Variants in CNTNAP5 observed in about 807,000 individuals in gnomAD.
The protein encoded by CNTNAP5 is contactin associated protein family member 5.
In CNTNAP5, 72 loss-of-function variants were observed where a neutral mutation model predicts 150.2. The ratio of observed to expected loss-of-function variants is 0.48; its 90% CI spans 0.40 to 0.58. The LOEUF (loss-of-function observed/expected upper bound fraction) is 0.58, where lower values mean the gene tolerates loss of function less well. CNTNAP5 is among the 20% of genes least tolerant of loss of function. CNTNAP5 has a pLI of 0.00. For missense variants in CNTNAP5, 1,636 were observed against 1,626.2 expected, an observed-to-expected ratio of 1.01 and a Z score of -0.10; for synonymous variants, 672 against 619.8, an observed-to-expected ratio of 1.08 and a Z score of -1.25.
intron 1 of CNTNAP5, among the ~76,000 whole-genome samples, chr2:124,209,795 A>G (rs1441114947): frequency 6.6e-6 from 1 of 152,158 alleles, no homozygotes; most frequent in Non-Finnish European, 1.5e-5. Flanking sequence ...GAGGTGGAGT[A>G]TTATACACAA....
chr2:124,636,373 A>T (rs113132960), intron 12 of CNTNAP5, among the ~76,000 whole-genome samples: 1,826 of 152,258 alleles, frequency 0.012, 30 homozygotes, highest in African/African-American at 0.041. Context: ...TATTTTCATT[A>T]TTCTGTCCCC....
intron 1 of CNTNAP5, among the ~76,000 whole-genome samples, chr2:124,142,799 C>T (rs1482765085): frequency 1.3e-4 from 20 of 149,336 alleles, no homozygotes; most frequent in Non-Finnish European, 2.5e-4. Context: ...CAGAGCAGAA[C>T]TGAAGGAAAT....
intron 13 of CNTNAP5, among the ~76,000 whole-genome samples, chr2:124,742,014 G>A (rs1378476965): frequency 6.6e-6 from 1 of 152,144 alleles, no homozygotes; most frequent in African/African-American, 2.4e-5. Flanking sequence ...GAAACCTGCA[G>A]CTGGCAATCT....
In CNTNAP5 at chr2:124,527,298, T is replaced by G. The variant is rs778085287; in HGVS notation, c.1491T>G (p.Asn497Lys). The G allele has an allele frequency of 6.2e-7, 1 of 1,613,390 alleles. No individual in the cohort carries two copies. The highest frequency in any genetic ancestry group is 1.1e-5 in the South Asian group (1 of 91,024). Residue 497 changes from asparagine (N) to lysine (K), a missense_variant, in exon 10 of 24, where the codon AAT becomes AAG. Physicochemically the swap from Asn to Lys is moderately conservative, Grantham distance 94. Coordinates refer to ENST00000682447, the MANE Select transcript of CNTNAP5 (RefSeq NM_001367498.1). ...NSYYFGGCPD[N>K]LTDSQCLNPI... ...TCTGTCCCACAGGGTGCCCCGACAA[T>G]CTCACCGATTCCCAATGTTTAAATC...
chr2:124,315,730 C>T (rs1688944060), intron 3 of CNTNAP5, among the ~76,000 whole-genome samples: 2 of 151,944 alleles, frequency 1.3e-5, no homozygotes, highest in Admixed American at 1.3e-4. Flanking sequence ...CTTGGCTCCG[C>T]ATGAAAGTAC....
At chr2:124,118,870 G>T (rs1022558777) in intron 1 of CNTNAP5, among the ~76,000 whole-genome samples, 1 of 152,132 alleles carries the variant, frequency 6.6e-6, no homozygotes, top group African/African-American at 2.4e-5. Context: ...AATTTGTCCA[G>T]AATCATAGAT....
chr2:124,221,087 T>G (rs937861472), intron 1 of CNTNAP5, among the ~76,000 whole-genome samples: 2 of 152,162 alleles, frequency 1.3e-5, no homozygotes, highest in Non-Finnish European at 2.9e-5. Flanking sequence ...GTTGGAAGGA[T>G]AGCTGTTGAA....
At position 124,050,806 on chromosome 2, in the gene CNTNAP5, G is replaced by A. The variant is rs150038367; in HGVS notation, c.82+25074G>A. On this transcript the variant is annotated intron_variant, in intron 1 of 23. Transcript: ENST00000682447. ...GAAATATCAGTCTCACACACTGTTTGCAGCTGGGATTGCACTTTGCATACT... is the reference window on the plus strand; with the variant it reads ...GAAATATCAGTCTCACACACTGTTTACAGCTGGGATTGCACTTTGCATACT... Among the ~76,000 whole-genome samples, 869 of 152,308 alleles carry A rather than the reference G, an allele frequency of 5.7e-3. 7 individuals are homozygous for A. Among genetic ancestry groups the A allele is most frequent in the African/African-American group, 0.019 (804 of 41,556 alleles).
At chr2:124,424,288 A>G (rs986261385) in intron 4 of CNTNAP5, among the ~76,000 whole-genome samples, 1 of 152,186 alleles carries the variant, frequency 6.6e-6, no homozygotes, top group Admixed American at 6.5e-5. Flanking sequence ...CACCTCTGAC[A>G]TGCTAAGGCC....
At chr2:124,415,228 C>T (rs180787109) in intron 3 of CNTNAP5, among the ~76,000 whole-genome samples, 10 of 152,136 alleles carry the variant, frequency 6.6e-5, no homozygotes, top group Admixed American at 1.3e-4. Context: ...AACCTGGGAG[C>T]TGAAATGTTG....
At chr2:124,888,663 C>T (rs554801439) in intron 21 of CNTNAP5, among the ~76,000 whole-genome samples, 30 of 152,188 alleles carry the variant, frequency 2.0e-4, no homozygotes, top group Middle Eastern at 6.8e-3. Context: ...GATGGTATCT[C>T]ATTGTGGTTT....
intron 3 of CNTNAP5, among the ~76,000 whole-genome samples, chr2:124,356,253 A>C (rs1690001041): frequency 6.6e-6 from 1 of 152,024 alleles, no homozygotes; most frequent in South Asian, 2.1e-4. Context: ...TTATCTTAAC[A>C]CTTTACTTTA....
intron 3 of CNTNAP5, among the ~76,000 whole-genome samples, chr2:124,367,515 G>A (rs1401362214): frequency 6.6e-6 from 1 of 152,108 alleles, no homozygotes; most frequent in Non-Finnish European, 1.5e-5. Context: ...CATGACACAT[G>A]GGATTATGGG....
Position 124,032,684 on chromosome 2 carries a change from T to C in CNTNAP5, c.82+6952T>C, listed in dbSNP as rs536804642. Among the ~76,000 whole-genome samples the C allele has an allele frequency of 2.0e-5, 3 of 152,260 alleles. No homozygotes were observed. The South Asian group carries it at 6.2e-4, about 32-fold the overall frequency. ...TATTCTGCATAATGTATAGAATACATTTTACATTTGTAAAATGTATTCTAT... is the reference window on the plus strand; with the variant it reads ...TATTCTGCATAATGTATAGAATACACTTTACATTTGTAAAATGTATTCTAT... On this transcript the variant is annotated intron_variant, in intron 1 of 23. Transcript: ENST00000682447.
intron 8 of CNTNAP5, among the ~76,000 whole-genome samples, chr2:124,519,670 C>T (rs1189550425): frequency 6.6e-6 from 1 of 152,186 alleles, no homozygotes; most frequent in African/African-American, 2.4e-5. Flanking sequence ...TTTAAAGTGC[C>T]TGGCACATTA....
intron 3 of CNTNAP5, among the ~76,000 whole-genome samples, chr2:124,244,843 G>T (rs1187691512): frequency 6.6e-6 from 1 of 152,026 alleles, no homozygotes; most frequent in Non-Finnish European, 1.5e-5. Flanking sequence ...ATATTAAATT[G>T]TCATTCTATA....
chr2:124,211,242 G>C (rs1686002520), intron 1 of CNTNAP5, among the ~76,000 whole-genome samples: 1 of 152,184 alleles, frequency 6.6e-6, no homozygotes, highest in Non-Finnish European at 1.5e-5. Context: ...AAGGACAGTA[G>C]TTGGAACTGG....
chr2:124,594,183 T>G (rs1235307844), intron 11 of CNTNAP5, among the ~76,000 whole-genome samples: 1 of 131,234 alleles, frequency 7.6e-6, no homozygotes, highest in Non-Finnish European at 1.6e-5. Flanking sequence ...GCCATTGCTT[T>G]TGGTGTTTTG....
intron 13 of CNTNAP5, among the ~76,000 whole-genome samples, chr2:124,677,304 G>A (rs1040465752): frequency 1.3e-5 from 2 of 152,304 alleles, no homozygotes; most frequent in African/African-American, 2.4e-5. Flanking sequence ...TGAAGCCAGA[G>A]AACCCTGTGG....
Sources: allele counts gnomAD v4.1 joint callset (sites outside exome capture counted in the v4.1 genomes callset), GRCh38; gene constraint gnomAD v4.1.1; transcripts MANE v1.5; gene names NCBI Gene and HGNC (gene_info 2026-07-23, HGNC 2026-07-21).